ERBB4: variants seen among roughly 807,000 people sequenced by gnomAD.
The protein encoded by ERBB4 is erb-b2 receptor tyrosine kinase 4.
A neutral mutation model predicts 158.0 loss-of-function variants in ERBB4; 42 were observed. The ratio of observed to expected loss-of-function variants is 0.27; its 90% confidence interval spans 0.21 to 0.34. The LOEUF is 0.34. Among genes scored for constraint, ERBB4 ranks in the 10% least tolerant of loss-of-function variants. ERBB4 has a pLI of 1.00. For missense variants in ERBB4, 1,333 were observed against 1,624.1 expected (o/e 0.82, Z 3.08); for synonymous variants, 583 against 558.7 (o/e 1.04, Z -0.61).
chr2:212,292,301 C>T (rs2106183431), intron 1 of ERBB4, among the ~76,000 whole-genome samples: 1 of 152,016 alleles, frequency 6.6e-6, no homozygotes, highest in South Asian at 2.1e-4. Flanking sequence ...CTAACCTTTT[C>T]ATCTTATACA....
At chr2:211,560,910 T>C (rs915953156) in intron 20 of ERBB4, among the ~76,000 whole-genome samples, 2 of 152,150 alleles carry the variant, frequency 1.3e-5, no homozygotes, top group East Asian at 3.9e-4. Flanking sequence ...TTACATTATT[T>C]AAAAAAGGCC....
At chr2:211,825,332 C>A (rs1271962024) in intron 3 of ERBB4, among the ~76,000 whole-genome samples, 3 of 151,610 alleles carry the variant, frequency 2.0e-5, no homozygotes, top group Non-Finnish European at 4.4e-5. Context: ...TACTTATAGG[C>A]CCTTATTATT....
chr2:212,074,472 A>G (rs560327145), intron 2 of ERBB4, among the ~76,000 whole-genome samples: 2 of 152,106 alleles, frequency 1.3e-5, no homozygotes, highest in South Asian at 4.1e-4. Context: ...ATAGAAGATC[A>G]TAATGCCCCA....
At chr2:211,797,684 T>C (rs1003379946) in intron 3 of ERBB4, among the ~76,000 whole-genome samples, 1 of 151,906 alleles carries the variant, frequency 6.6e-6, no homozygotes, top group Non-Finnish European at 1.5e-5. Context: ...CTAAAATGCC[T>C]AGAATGTTAA....
At chr2:211,848,420 A>G (rs1432770472) in intron 3 of ERBB4, among the ~76,000 whole-genome samples, 2 of 152,092 alleles carry the variant, frequency 1.3e-5, no homozygotes, top group African/African-American at 2.4e-5. Context: ...CTTCTAGTCT[A>G]GCCTAATGGA....
intron 20 of ERBB4, among the ~76,000 whole-genome samples, chr2:211,541,044 C>T (rs147912087): frequency 6.6e-6 from 1 of 151,998 alleles, no homozygotes; most frequent in East Asian, 1.9e-4. Context: ...TTTGCTCTCT[C>T]CCTCTCTGTG....
intron 1 of ERBB4, among the ~76,000 whole-genome samples, chr2:212,281,633 T>C (rs988821127): frequency 6.6e-6 from 1 of 151,888 alleles, no homozygotes; most frequent in African/African-American, 2.4e-5. Flanking sequence ...AGCATTTAAA[T>C]AGCTGAAGTG....
chr2:212,496,784 G>A (rs988037132), intron 1 of ERBB4, among the ~76,000 whole-genome samples: 1 of 152,124 alleles, frequency 6.6e-6, no homozygotes, highest in Admixed American at 6.6e-5. Context: ...ATGGTTTAAA[G>A]AGTTACTAAT....
intron 1 of ERBB4, among the ~76,000 whole-genome samples, chr2:212,298,331 G>C (rs957818884): frequency 2.0e-5 from 3 of 151,562 alleles, no homozygotes; most frequent in Non-Finnish European, 4.4e-5. Flanking sequence ...TTATCTTTCT[G>C]TATCATCTAA....
chr2:211,620,249 G>A (rs373957714), intron 18 of ERBB4, among the ~76,000 whole-genome samples: 3 of 152,076 alleles, frequency 2.0e-5, no homozygotes, highest in Non-Finnish European at 2.9e-5. Context: ...TAGCTTCTTA[G>A]CCCTGACATC....
intron 2 of ERBB4, among the ~76,000 whole-genome samples, chr2:212,093,981 A>G (rs913047176): frequency 6.6e-6 from 1 of 152,112 alleles, no homozygotes; most frequent in Non-Finnish European, 1.5e-5. Context: ...ATAAATAAAT[A>G]AAAGAAATAG....
At chr2:211,688,767 C>A (rs2072677974) in intron 12 of ERBB4, among the ~76,000 whole-genome samples, 1 of 152,122 alleles carries the variant, frequency 6.6e-6, no homozygotes, top group Non-Finnish European at 1.5e-5. Flanking sequence ...ACTATATATT[C>A]TTCTATTCTA....
At chr2:212,191,708 ATACATGTTACATATAACACG>A (rs1394536941) in intron 1 of ERBB4, among the ~76,000 whole-genome samples, 3 of 147,096 alleles carry the variant, frequency 2.0e-5, no homozygotes, top group African/African-American at 7.4e-5. Flanking sequence ...AACACGTGTT[ATACATGTTACATATAACACG>A]TGTTATACAT....
chr2:211,879,278 G>C (rs760308093), intron 3 of ERBB4, among the ~76,000 whole-genome samples: 57 of 151,902 alleles, frequency 3.8e-4, no homozygotes, highest in Non-Finnish European at 7.5e-4. Context: ...ATTAATGATA[G>C]CTAAGAGATT....
chr2:211,400,495 A>G (rs1305721382), intron 25 of ERBB4, among the ~76,000 whole-genome samples: 1 of 152,112 alleles, frequency 6.6e-6, no homozygotes, highest in African/African-American at 2.4e-5. Context: ...TGTATCACAA[A>G]TTTTATTTGA....
intron 3 of ERBB4, among the ~76,000 whole-genome samples, chr2:211,825,106 C>G (rs183731420): frequency 1.1e-3 from 160 of 151,780 alleles, no homozygotes; most frequent in Middle Eastern, 3.4e-3. Flanking sequence ...TAAATTTTTC[C>G]ATAAGAGAAG....
chr2:211,721,383 G>A (rs2074083945), intron 7 of ERBB4, among the ~76,000 whole-genome samples: 1 of 130,490 alleles, frequency 7.7e-6, no homozygotes. Context: ...GAGTATATGG[G>A]CATATATAGT....
chr2:211,781,679 A>T (rs1350243763), intron 4 of ERBB4, among the ~76,000 whole-genome samples: 1 of 152,234 alleles, frequency 6.6e-6, no homozygotes, highest in African/African-American at 2.4e-5. Context: ...TATAAAAATT[A>T]TAATTGCAAG....
At chr2:212,057,964 A>C (rs568998957) in intron 2 of ERBB4, among the ~76,000 whole-genome samples, 1 of 152,180 alleles carries the variant, frequency 6.6e-6, no homozygotes, top group South Asian at 2.1e-4. Context: ...GACACAAAAA[A>C]CCCTTCAAAA....
Sources: allele counts gnomAD v4.1 joint callset (sites outside exome capture counted in the v4.1 genomes callset), GRCh38; gene constraint gnomAD v4.1.1; transcripts MANE v1.5; gene names NCBI Gene and HGNC (gene_info 2026-07-23, HGNC 2026-07-21).